The following RYR3 variants were observed in gnomAD, a reference collection of about 807,000 sequenced individuals.
RYR3 encodes ryanodine receptor 3.
Under a neutral mutation model 584.3 loss-of-function variants are expected in RYR3, and 207 were observed. That is an observed-to-expected ratio of 0.35 (90% CI 0.32 to 0.40). RYR3 has a LOEUF of 0.40. Ranked by LOEUF, RYR3 falls within the 10% of genes least tolerant of loss-of-function variation. RYR3 has a pLI of 1.00. For synonymous variants in RYR3, 2,416 were observed against 2,248.5 expected, an observed-to-expected ratio of 1.07 and a Z score of -2.11; for missense variants, 5,616 against 6,089.2, an observed-to-expected ratio of 0.92 and a Z score of 2.59.
chr15:33,720,140 C>T (rs183630713), intron 43 of RYR3, among the ~76,000 whole-genome samples: 8 of 152,298 alleles, frequency 5.3e-5, no homozygotes, highest in East Asian at 3.9e-4. Flanking sequence ...GATTGAGCTA[C>T]GCAACTCTAA....
At chr15:33,861,275 G>A in intron 102 of RYR3, 97 bp downstream of exon 102, 1 of 865,490 alleles carries the variant, frequency 1.2e-6, no homozygotes, top group Non-Finnish European at 1.8e-6. Flanking sequence ...AGAGTAACCA[G>A]AAAGGAACTT....
chr15:33,566,151 C>G (rs895668402), intron 11 of RYR3, among the ~76,000 whole-genome samples: 7 of 152,222 alleles, frequency 4.6e-5, no homozygotes, highest in Non-Finnish European at 5.9e-5. Context: ...TCTCTAGCCT[C>G]CAAGAGAAGC....
chr15:33,768,372 A>T (rs1407605912), intron 60 of RYR3, among the ~76,000 whole-genome samples: 2 of 152,224 alleles, frequency 1.3e-5, no homozygotes, highest in Non-Finnish European at 2.9e-5. Context: ...AGCAAAGTAT[A>T]CTTTGCACTG....
intron 70 of RYR3, among the ~76,000 whole-genome samples, chr15:33,808,250 T>C (rs1376180415): frequency 6.6e-6 from 1 of 152,212 alleles, no homozygotes; most frequent in East Asian, 1.9e-4. Context: ...GAGGCTTACT[T>C]GCTATGTGAT....
chr15:33,624,065 A>C, intron 20 of RYR3, 42 bp downstream of exon 20: 1 of 1,306,594 alleles, frequency 7.7e-7, no homozygotes, highest in Non-Finnish European at 1.1e-6. Context: ...ATATAGATGA[A>C]GCAATAGAGT....
chr15:33,769,494 G>A (rs2073391917), intron 62 of RYR3, among the ~76,000 whole-genome samples: 1 of 152,002 alleles, frequency 6.6e-6, no homozygotes, highest in Non-Finnish European at 1.5e-5. Context: ...TGGGAAAGAT[G>A]AACCACAGCG....
At chr15:33,689,902 G>A (rs889501236) in intron 38 of RYR3, among the ~76,000 whole-genome samples, 4 of 152,182 alleles carry the variant, frequency 2.6e-5, no homozygotes, top group Non-Finnish European at 5.9e-5. Context: ...TCTTGAAATA[G>A]TTTCTTGTAG....
chr15:33,683,969 C>T (rs1024599178), intron 38 of RYR3, among the ~76,000 whole-genome samples: 4 of 152,252 alleles, frequency 2.6e-5, no homozygotes, highest in East Asian at 1.9e-4. Context: ...AGTAGGTAAA[C>T]GAAGCAGCCA....
chr15:33,333,012 G>C (rs1970537874), intron 1 of RYR3, among the ~76,000 whole-genome samples: 2 of 131,288 alleles, frequency 1.5e-5, no homozygotes, highest in African/African-American at 5.7e-5. Flanking sequence ...TAAGAAAACA[G>C]TCAGTGCCAG....
intron 43 of RYR3, among the ~76,000 whole-genome samples, chr15:33,713,154 T>C (rs959143363): frequency 7.9e-5 from 12 of 152,100 alleles, no homozygotes; most frequent in South Asian, 2.1e-4. Flanking sequence ...AAAAGTGATA[T>C]AAGGAATCGT....
At chr15:33,831,879 C>T (rs573788751) in intron 86 of RYR3, among the ~76,000 whole-genome samples, 31 of 152,210 alleles carry the variant, frequency 2.0e-4, no homozygotes, top group African/African-American at 7.0e-4. Context: ...TTCATCAAAA[C>T]GCTCAGTTTG....
chr15:33,565,484 A>G (rs1435120), intron 11 of RYR3, among the ~76,000 whole-genome samples: 99,847 of 152,098 alleles, frequency 0.66, 33,740 homozygotes, highest in Middle Eastern at 0.76. Context: ...CTTCAAAATA[A>G]TAAAAAGGAA....
At chr15:33,655,954 A>G (rs370540356) in intron 32 of RYR3, among the ~76,000 whole-genome samples, 19 of 152,212 alleles carry the variant, frequency 1.2e-4, no homozygotes, top group African/African-American at 3.6e-4. Context: ...CTCTCAAACA[A>G]TGTTTCTAGA....
chr15:33,606,101 A>G (rs771507006), intron 18 of RYR3, among the ~76,000 whole-genome samples: 1 of 152,226 alleles, frequency 6.6e-6, no homozygotes, highest in African/African-American at 2.4e-5. Context: ...AGTCAAGAAC[A>G]AACAGCGTAG....
chr15:33,355,698 T>C (rs1436975068), intron 1 of RYR3, among the ~76,000 whole-genome samples: 1 of 152,188 alleles, frequency 6.6e-6, no homozygotes, highest in Non-Finnish European at 1.5e-5. Flanking sequence ...TAGCTGACTA[T>C]ATGGAGGCCC....
chr15:33,690,698 T>C (rs2065356273), intron 38 of RYR3, among the ~76,000 whole-genome samples: 1 of 152,204 alleles, frequency 6.6e-6, no homozygotes, highest in Non-Finnish European at 1.5e-5. Flanking sequence ...CATAGGCCCT[T>C]TTATATAGAT....
intron 38 of RYR3, among the ~76,000 whole-genome samples, chr15:33,675,523 G>T (rs1312893692): frequency 1.3e-5 from 2 of 152,070 alleles, no homozygotes; most frequent in East Asian, 3.9e-4. Flanking sequence ...ATGAGCACAG[G>T]GCTCCGGAGT....
At chr15:33,381,100 CCT>C (rs2041156483) in intron 1 of RYR3, among the ~76,000 whole-genome samples, 1 of 152,128 alleles carries the variant, frequency 6.6e-6, no homozygotes, top group Non-Finnish European at 1.5e-5. Flanking sequence ...GAAAGCGTTC[CCT>C]GTTAACAGAT....
chr15:33,491,517 G>A (rs1205851741), intron 2 of RYR3, among the ~76,000 whole-genome samples: 4 of 152,152 alleles, frequency 2.6e-5, no homozygotes. Flanking sequence ...TGCTCCATCA[G>A]TTTCTATCAA....
Sources: allele counts gnomAD v4.1 joint callset (sites outside exome capture counted in the v4.1 genomes callset), GRCh38; gene constraint gnomAD v4.1.1; transcripts MANE v1.5; gene names NCBI Gene and HGNC (gene_info 2026-07-23, HGNC 2026-07-21).